CREB1: variants seen among roughly 807,000 people sequenced by gnomAD.
CREB1 encodes the protein cAMP responsive element binding protein 1, also known as cyclic AMP-responsive element-binding protein 1.
In CREB1, 2 loss-of-function variants were observed where a neutral mutation model predicts 42.0. The ratio of observed to expected loss-of-function variants is 0.05; its 90% CI spans 0.02 to 0.15. CREB1 has a LOEUF of 0.15. Among genes scored for constraint, CREB1 ranks in the 10% least tolerant of loss-of-function variants. The pLI is 1.00. For synonymous variants in CREB1, 123 were observed against 139.9 expected, an observed-to-expected ratio of 0.88 and a Z score of 0.85; for missense variants, 199 against 388.9, an observed-to-expected ratio of 0.51 and a Z score of 4.11.
chr2:207,585,595 A>G (rs1438222976), intron 7 of CREB1, among the ~76,000 whole-genome samples: 4 of 152,248 alleles, frequency 2.6e-5, no homozygotes, highest in South Asian at 2.1e-4. Context: ...CAGGTAATCA[A>G]TAAAATGCCT....
rs2081586010 is a variant in CREB1 at position 207,553,227 on chromosome 2, C to G, written c.-8-2401C>G. Reference sequence around the variant, plus strand: ...GGGATTACAGGTGCCCACTGCCACACCCGGCTAGTTTTTATGTTTTTAGTA... The same window carrying G: ...GGGATTACAGGTGCCCACTGCCACAGCCGGCTAGTTTTTATGTTTTTAGTA... On this transcript the variant is annotated intron_variant, in intron 1 of 7. Transcript: ENST00000353267. Among the ~76,000 whole-genome samples, 3 of 151,942 alleles carry G rather than the reference C, an allele frequency of 2.0e-5. 1 individual carries two copies. The highest frequency in any genetic ancestry group is 6.8e-3 in the Middle Eastern group (2 of 294).
chr2:207,534,174 C>CAT (rs2080770039), intron 1 of CREB1, among the ~76,000 whole-genome samples: 1 of 152,190 alleles, frequency 6.6e-6, no homozygotes, highest in African/African-American at 2.4e-5. Flanking sequence ...TAAAGTAATA[C>CAT]ATACTAAGTC....
chr2:207,558,037 T>C (rs565653757), intron 2 of CREB1, among the ~76,000 whole-genome samples: 180 of 152,298 alleles, frequency 1.2e-3, no homozygotes, highest in Admixed American at 2.7e-3. Flanking sequence ...GAGTTGACTT[T>C]ACAGAGTATC....
intron 1 of CREB1, among the ~76,000 whole-genome samples, chr2:207,547,127 C>T (rs1444087215): frequency 6.6e-6 from 1 of 152,208 alleles, no homozygotes; most frequent in African/African-American, 2.4e-5. Context: ...CATGTGCTGT[C>T]TCACCTCAAG....
Position 207,538,738 on chromosome 2 carries a change from A to G in CREB1, c.-9+8604A>G, listed in dbSNP as rs574017941. On this transcript the variant is annotated intron_variant, in intron 1 of 7. Transcript: ENST00000353267. ...TGGATCTGAAAGTTGACTTATACCAATGATGATAGAATGTGTCTTTTCCCA... is the reference window on the plus strand; with the variant it reads ...TGGATCTGAAAGTTGACTTATACCAGTGATGATAGAATGTGTCTTTTCCCA... 5.1e-4 allele frequency among the ~76,000 whole-genome samples: 77 copies of G among 152,360 alleles called. No individual in the cohort carries two copies. The South Asian group carries it at 8.3e-3, about 16-fold the overall frequency.
chr2:207,561,245 C>G (rs982957057), intron 3 of CREB1: 2 of 1,237,160 alleles, frequency 1.6e-6, no homozygotes, highest in Admixed American at 2.0e-5. Context: ...TCCTTTTCCT[C>G]TATAAACATG....
At chr2:207,572,685 G>A (rs555009827) in intron 5 of CREB1, among the ~76,000 whole-genome samples, 10 of 152,078 alleles carry the variant, frequency 6.6e-5, no homozygotes, top group African/African-American at 1.9e-4. Context: ...GCGAGGTGGC[G>A]GGCACCTGTA....
intron 7 of CREB1, among the ~76,000 whole-genome samples, chr2:207,594,336 C>T (rs1375901369): frequency 6.6e-6 from 1 of 152,128 alleles, no homozygotes; most frequent in African/African-American, 2.4e-5. Flanking sequence ...ACTTGTTCAT[C>T]TTGCAAAATT....
intron 6 of CREB1, chr2:207,576,590 C>A: frequency 1.2e-6 from 1 of 805,558 alleles, no homozygotes; most frequent in Non-Finnish European, 1.8e-6. Context: ...TACTATTTTG[C>A]TTATTGATGA....
intron 1 of CREB1, among the ~76,000 whole-genome samples, chr2:207,552,329 T>C (rs1307286484): frequency 6.6e-6 from 1 of 152,136 alleles, no homozygotes; most frequent in African/African-American, 2.4e-5. Context: ...TTCTATACCT[T>C]AAATGTCAAA....
rs78701038 is a variant in CREB1 at position 207,560,327 on chromosome 2, G to A, written c.216G>A (p.Ala72=). Residue 72 remains alanine, a synonymous_variant, in exon 3 of 8, where the codon GCG becomes GCA. Coordinates refer to ENST00000353267, the MANE Select transcript of CREB1 (RefSeq NM_004379.5). ...TTCAAGTCCATGGAGTCATTCAGGC[G>A]GCCCAGCCATCAGTTATTCAGTCTC... The part of the protein sequence containing the change: ...QTVQVHGVIQ[A]AQPSVIQSPQ... 225 of 1,613,858 alleles carry A rather than the reference G, an allele frequency of 1.4e-4. 2 individuals are homozygous for A. In the African/African-American group the frequency reaches 2.5e-3, roughly 18 times the overall value.
rs1175702783 is a variant in CREB1 at position 207,561,110 on chromosome 2, G to C, written c.261+738G>C. On this transcript the variant is annotated intron_variant, in intron 3 of 7. Coordinates refer to ENST00000353267, the MANE Select transcript of CREB1 (RefSeq NM_004379.5). Reference sequence around the variant, plus strand: ...CCCAGCCTCCCATTTCATATTTTTTGCTTCACAGTCTTCCTGTAAGGACTT... The same window carrying C: ...CCCAGCCTCCCATTTCATATTTTTTCCTTCACAGTCTTCCTGTAAGGACTT... 23 of 1,612,266 alleles carry C rather than the reference G, an allele frequency of 1.4e-5. 1 individual carries two copies. The Admixed American group carries it at 3.8e-4, about 27-fold the overall frequency.
At chr2:207,549,982 A>AG (rs550538660) in intron 1 of CREB1, among the ~76,000 whole-genome samples, 326 of 152,210 alleles carry the variant, frequency 2.1e-3, no homozygotes, top group Middle Eastern at 0.014. Context: ...AAAAAAAAAA[A>AG]AGAGAGAAAA....
intron 1 of CREB1, among the ~76,000 whole-genome samples, chr2:207,547,679 C>T (rs778474342): frequency 2.3e-4 from 34 of 150,736 alleles, no homozygotes; most frequent in Non-Finnish European, 3.4e-4. Context: ...ATTGCATAGT[C>T]GTGGCTGCTG....
chr2:207,583,719 T>G (rs1411230623), intron 7 of CREB1, among the ~76,000 whole-genome samples: 1 of 152,228 alleles, frequency 6.6e-6, no homozygotes, highest in African/African-American at 2.4e-5. Context: ...CTGTATAGTT[T>G]TATGGGTTTT....
At chr2:207,532,898 G>A (rs2106326594) in intron 1 of CREB1, among the ~76,000 whole-genome samples, 1 of 151,990 alleles carries the variant, frequency 6.6e-6, no homozygotes, top group East Asian at 2.0e-4. Context: ...TGGGATTACA[G>A]GTGTGAGCCA....
At chr2:207,553,835 G>C (rs1021073881) in intron 1 of CREB1, among the ~76,000 whole-genome samples, 2 of 152,152 alleles carry the variant, frequency 1.3e-5, no homozygotes, top group African/African-American at 4.8e-5. Flanking sequence ...CTGTTTCTCT[G>C]TTCAGAGCTA....
At chr2:207,545,356 T>A (rs1418281057) in intron 1 of CREB1, among the ~76,000 whole-genome samples, 1 of 151,812 alleles carries the variant, frequency 6.6e-6, no homozygotes, top group African/African-American at 2.4e-5. Context: ...TCCAGTCATG[T>A]GCCACCATGC....
intron 5 of CREB1, among the ~76,000 whole-genome samples, chr2:207,573,984 C>T (rs2082475115): frequency 1.3e-5 from 2 of 152,296 alleles, no homozygotes; most frequent in East Asian, 1.9e-4. Flanking sequence ...ATAGTTCTTA[C>T]TCATTTTTCT....
Sources: gnomAD v4.1 joint callset for allele counts (sites outside exome capture counted in the v4.1 genomes callset) on GRCh38, gnomAD v4.1.1 for gene constraint, MANE v1.5 for transcripts, NCBI Gene and HGNC (gene_info 2026-07-23, HGNC 2026-07-21) for gene names.